The following TENM2 variants were observed in gnomAD, a reference collection of about 807,000 sequenced individuals.
TENM2 encodes teneurin-2.
TENM2 carries 52 observed loss-of-function variants against 245.2 expected under a neutral mutation model. The observed-to-expected ratio is 0.21, with a 90% CI of 0.17 to 0.27. TENM2 has a LOEUF of 0.27. Ranked by LOEUF, TENM2 falls within the 10% of genes least tolerant of loss-of-function variation. TENM2 has a pLI of 1.00. For missense variants in TENM2, 3,046 were observed against 3,666.8 expected (o/e 0.83, Z 4.37); for synonymous variants, 1,363 against 1,438.9 (o/e 0.95, Z 1.19).
At chr5:167,514,871 C>T (rs901647630) in intron 2 of TENM2, among the ~76,000 whole-genome samples, 6 of 152,108 alleles carry the variant, frequency 3.9e-5, no homozygotes, top group Non-Finnish European at 7.4e-5. Context: ...ATTAGCTTGG[C>T]ATGGTGGCGG....
chr5:167,335,544 A>G (rs1430471139), intron 1 of TENM2, among the ~76,000 whole-genome samples: 1 of 152,142 alleles, frequency 6.6e-6, no homozygotes, highest in Non-Finnish European at 1.5e-5. Context: ...CGTTTTGCAT[A>G]CAAAAGAATA....
chr5:167,446,957 G>T (rs924141484), intron 2 of TENM2, among the ~76,000 whole-genome samples: 10 of 152,062 alleles, frequency 6.6e-5, no homozygotes, highest in African/African-American at 2.4e-4. Context: ...AATACCAGTT[G>T]AACATCTCAA....
the TENM2 span, among the ~76,000 whole-genome samples, chr5:166,987,420 G>GGGGT: frequency 3.4e-5 from 5 of 147,090 alleles, no homozygotes; most frequent in African/African-American, 5.0e-5. Context: ...GTTTAGTAAG[G>GGGGT]GTGTGTGTGT....
intron 2 of TENM2, among the ~76,000 whole-genome samples, chr5:167,547,676 G>A (rs972110262): frequency 6.6e-6 from 1 of 152,186 alleles, no homozygotes. Context: ...GAGGCTCAAA[G>A]AGGTCTTATG....
the TENM2 span, among the ~76,000 whole-genome samples, chr5:167,101,856 T>TATATATATATATATATATATATATAC: frequency 2.4e-5 from 3 of 124,806 alleles, no homozygotes; most frequent in African/African-American, 8.7e-5. Flanking sequence ...TATTTATATA[T>TATATATATATATATATATATATATAC]ATATATATAT....
the TENM2 span, among the ~76,000 whole-genome samples, chr5:167,203,881 A>G: frequency 6.6e-6 from 1 of 152,174 alleles, no homozygotes; most frequent in South Asian, 2.1e-4. Flanking sequence ...GAGATGAAGA[A>G]AAAACAGAGA....
At chr5:167,492,313 G>A (rs1768481357) in intron 2 of TENM2, among the ~76,000 whole-genome samples, 1 of 152,000 alleles carries the variant, frequency 6.6e-6, no homozygotes, top group Non-Finnish European at 1.5e-5. Context: ...TCCTTGAGGA[G>A]GGCATAACCC....
chr5:167,891,475 A>G (rs1346082693), intron 3 of TENM2, among the ~76,000 whole-genome samples: 1 of 152,130 alleles, frequency 6.6e-6, no homozygotes, highest in Non-Finnish European at 1.5e-5. Context: ...GGAGGAAGGA[A>G]AGCTTAAGTG....
intron 2 of TENM2, among the ~76,000 whole-genome samples, chr5:167,739,920 C>T (rs1378329694): frequency 6.6e-6 from 1 of 152,112 alleles, no homozygotes. Flanking sequence ...TACTTGTGAC[C>T]CTCGCTTCCC....
At chr5:167,004,673 G>C in the TENM2 span, among the ~76,000 whole-genome samples, 1 of 152,142 alleles carries the variant, frequency 6.6e-6, no homozygotes, top group African/African-American at 2.4e-5. Flanking sequence ...ATATGAGTAG[G>C]GTTGTTAGTG....
chr5:167,817,755 G>A (rs7737681), intron 2 of TENM2, among the ~76,000 whole-genome samples: 22,977 of 152,230 alleles, frequency 0.15, 2,224 homozygotes, highest in East Asian at 0.4. Flanking sequence ...GAGATGAAAC[G>A]CTGGCTATGA....
At chr5:167,758,457 C>G (rs1345244427) in intron 2 of TENM2, among the ~76,000 whole-genome samples, 1 of 152,008 alleles carries the variant, frequency 6.6e-6, no homozygotes, top group Non-Finnish European at 1.5e-5. Context: ...GCACTTCCTA[C>G]CAGCTTGGAA....
At chr5:167,849,170 G>T (rs759125602) in intron 2 of TENM2, among the ~76,000 whole-genome samples, 1 of 152,018 alleles carries the variant, frequency 6.6e-6, no homozygotes, top group Non-Finnish European at 1.5e-5. Context: ...TGCATTCTTT[G>T]GTTCATAGCC....
At chr5:167,707,013 TAAAAAAAAAAAA>T (rs34373602) in intron 2 of TENM2, among the ~76,000 whole-genome samples, 2 of 70,064 alleles carry the variant, frequency 2.9e-5, no homozygotes, top group Non-Finnish European at 5.3e-5. Flanking sequence ...AGACTCCGCC[TAAAAAAAAAAAA>T]AAAAAAAAAA....
chr5:167,054,542 G>A, the TENM2 span, among the ~76,000 whole-genome samples: 2 of 152,088 alleles, frequency 1.3e-5, no homozygotes, highest in African/African-American at 2.4e-5. Context: ...CGTTGAATAA[G>A]TACCAAGGAG....
the TENM2 span, among the ~76,000 whole-genome samples, chr5:167,214,602 G>A: frequency 1.3e-5 from 2 of 152,092 alleles, no homozygotes; most frequent in African/African-American, 2.4e-5. Flanking sequence ...ATCTATCTCG[G>A]TTCTTCTAAG....
chr5:167,272,487 A>G, the TENM2 span, among the ~76,000 whole-genome samples: 347 of 152,298 alleles, frequency 2.3e-3, 1 homozygote, highest in African/African-American at 6.7e-3. Flanking sequence ...TAAAATATGT[A>G]TTTTTGACTA....
intron 2 of TENM2, among the ~76,000 whole-genome samples, chr5:167,741,591 C>G (rs941363446): frequency 1.3e-5 from 2 of 152,150 alleles, no homozygotes; most frequent in African/African-American, 4.8e-5. Context: ...GGAATGGAGG[C>G]CCCTAATCAC....
At chr5:167,196,454 GTA>G in the TENM2 span, among the ~76,000 whole-genome samples, 16 of 148,390 alleles carry the variant, frequency 1.1e-4, no homozygotes, top group African/African-American at 3.0e-4. Flanking sequence ...ATATATGTGT[GTA>G]TATATATATG....
Sources: allele counts gnomAD v4.1 joint callset (sites outside exome capture counted in the v4.1 genomes callset), GRCh38; gene constraint gnomAD v4.1.1; transcripts MANE v1.5; gene names NCBI Gene and HGNC (gene_info 2026-07-23, HGNC 2026-07-21).